CSF2RA: variants seen among roughly 807,000 people sequenced by gnomAD.
CSF2RA encodes colony stimulating factor 2 receptor subunit alpha.
In CSF2RA, 42 loss-of-function variants were observed where a neutral mutation model predicts 51.6. That is an observed-to-expected ratio of 0.81 (90% CI 0.64 to 1.05). The LOEUF (loss-of-function observed/expected upper bound fraction) is 1.05, where lower values mean the gene tolerates loss of function less well. Among genes scored for constraint, CSF2RA ranks in the 50% least tolerant of loss-of-function variants. The probability of loss-of-function intolerance (pLI) is 0.00; values close to 1 mark genes in which losing one functional copy is unlikely to be tolerated. For synonymous variants in CSF2RA, 222 were observed against 193.0 expected (o/e 1.15, Z -1.24); for missense variants, 530 against 501.1 (o/e 1.06, Z -0.55).
the CSF2RA span, among the ~76,000 whole-genome samples, chrX:1,318,656 G>A: frequency 1.3e-5 from 2 of 150,502 alleles, no homozygotes; most frequent in Admixed American, 1.3e-4. Context: ...GGTGGCTCAC[G>A]CCTGTAATCC....
chrX:1,324,181 C>A, the CSF2RA span, among the ~76,000 whole-genome samples: 1 of 150,240 alleles, frequency 6.7e-6, no homozygotes, highest in African/African-American at 2.4e-5. Flanking sequence ...TGTAACTCTG[C>A]CTTTAAAAAC....
chrX:1,285,980 G>C (rs2090600553), intron 4 of CSF2RA, 60 bp downstream of exon 4: 2 of 1,610,076 alleles, frequency 1.2e-6, no homozygotes, highest in Non-Finnish European at 8.5e-7. Context: ...TGAGTTAAAA[G>C]CAACAGGGCC....
At position 1,294,559 on chromosome X, in the gene CSF2RA, G is replaced by A. The variant is rs1331859337; in HGVS notation, c.780+98G>A. 1.1e-5 allele frequency: 17 copies of A among 1,526,314 alleles called. No individual in the cohort carries two copies. The South Asian group carries it at 1.4e-4, about 12-fold the overall frequency. The allele number at this position is 1,526,314 out of a possible 1,614,324, so 94.5% of individuals were successfully genotyped here. ...ATCCCGGGGAAGTGGCCTGGGGGAA[G>A]GATGCGTGGGTGGTGAGCGGTGACT... On this transcript the variant is annotated intron_variant, in intron 8 of 12. Transcript: ENST00000381529.
At chrX:1,288,966 C>T in intron 6 of CSF2RA, 78 bp downstream of exon 6, 1 of 1,590,690 alleles carries the variant, frequency 6.3e-7, no homozygotes, top group South Asian at 1.1e-5. Flanking sequence ...TCTTTTTTTC[C>T]TTTTTCTTTT....
intron 1 of CSF2RA, among the ~76,000 whole-genome samples, chrX:1,269,622 C>CA (rs1304105564): frequency 9.3e-5 from 7 of 75,220 alleles, no homozygotes; most frequent in Admixed American, 2.1e-4. Flanking sequence ...GATTCTGTCT[C>CA]AAAAAAAAGA....
chrX:1,304,397 C>A (rs1397722488), intron 11 of CSF2RA, among the ~76,000 whole-genome samples: 2 of 146,038 alleles, frequency 1.4e-5, no homozygotes, highest in Non-Finnish European at 3.0e-5. Context: ...GAGACTCCAT[C>A]TCAAAACAAA....
At chrX:1,278,273 C>T (rs1212508095) in intron 2 of CSF2RA, among the ~76,000 whole-genome samples, 1 of 149,484 alleles carries the variant, frequency 6.7e-6, no homozygotes, top group East Asian at 2.0e-4. Flanking sequence ...ACGGAGGTTG[C>T]AGTGAGCCAA....
At chrX:1,315,358 T>C (rs781059112), downstream of CSF2RA, among the ~76,000 whole-genome samples, 1 of 152,146 alleles carries the variant, frequency 6.6e-6, no homozygotes, top group South Asian at 2.1e-4. Context: ...AGATACATGA[T>C]TGACTGATAG....
intron 4 of CSF2RA, among the ~76,000 whole-genome samples, chrX:1,286,895 G>A (rs1463594747): frequency 6.6e-6 from 1 of 152,072 alleles, no homozygotes; most frequent in African/African-American, 2.4e-5. Flanking sequence ...AAGGGATTAA[G>A]GTCAGGGTTT....
chrX:1,275,185 G>A (rs1276975635), intron 2 of CSF2RA, among the ~76,000 whole-genome samples: 2 of 151,792 alleles, frequency 1.3e-5, no homozygotes, highest in Non-Finnish European at 2.9e-5. Flanking sequence ...GAGGTCAGGA[G>A]TTCCAGACCA....
At chrX:1,304,432 T>G (rs1784804022) in intron 11 of CSF2RA, among the ~76,000 whole-genome samples, 1 of 148,518 alleles carries the variant, frequency 6.7e-6, no homozygotes, top group Non-Finnish European at 1.5e-5. Flanking sequence ...AAACGGGAGA[T>G]CCTACAGGAA....
the CSF2RA span, among the ~76,000 whole-genome samples, chrX:1,316,095 A>AAATG: frequency 2.2e-3 from 321 of 147,808 alleles, 1 homozygote; most frequent in African/African-American, 7.8e-3. Flanking sequence ...ATAAATGGAT[A>AAATG]GATAGACACA....
chrX:1,287,422 C>G (rs371270239), intron 4 of CSF2RA, among the ~76,000 whole-genome samples: 2,313 of 149,966 alleles, frequency 0.015, 41 homozygotes, highest in African/African-American at 0.035. Flanking sequence ...AAAGTGCTGG[C>G]ATTACAGGTG....
intron 12 of CSF2RA, among the ~76,000 whole-genome samples, chrX:1,307,480 T>C (rs73618054): frequency 2.0e-3 from 105 of 53,208 alleles, no homozygotes; most frequent in African/African-American, 7.0e-3. Flanking sequence ...CCCTTTAGAC[T>C]TTCAACTGAT....
chrX:1,316,258 GAT>G, the CSF2RA span, among the ~76,000 whole-genome samples: 5,578 of 139,984 alleles, frequency 0.04, 296 homozygotes, highest in East Asian at 0.29. Flanking sequence ...AGATTAGATA[GAT>G]GATAGATAGA....
chrX:1,286,977 T>C (rs1382376803), intron 4 of CSF2RA, among the ~76,000 whole-genome samples: 1 of 150,846 alleles, frequency 6.6e-6, no homozygotes, highest in Non-Finnish European at 1.5e-5. Context: ...AGAGAAAGGA[T>C]AGAAGGAGGA....
At chrX:1,324,054 A>G in the CSF2RA span, among the ~76,000 whole-genome samples, 2 of 151,644 alleles carry the variant, frequency 1.3e-5, no homozygotes, top group South Asian at 4.2e-4. Context: ...ACATGGTAGC[A>G]TGTTCCTGTT....
intron 10 of CSF2RA, 76 bp downstream of exon 10, chrX:1,300,702 C>G: frequency 6.3e-7 from 1 of 1,593,224 alleles, no homozygotes; most frequent in Non-Finnish European, 8.6e-7. Context: ...GTCAGGTGCT[C>G]TGTCCTGGGC....
At chrX:1,304,394 C>T (rs189246304) in intron 11 of CSF2RA, among the ~76,000 whole-genome samples, 2 of 145,032 alleles carry the variant, frequency 1.4e-5, no homozygotes, top group Admixed American at 7.1e-5. Context: ...GGCGAGACTC[C>T]ATCTCAAAAC....
Sources: allele counts gnomAD v4.1 joint callset (sites outside exome capture counted in the v4.1 genomes callset), GRCh38; gene constraint gnomAD v4.1.1; transcripts MANE v1.5; gene names NCBI Gene and HGNC (gene_info 2026-07-23, HGNC 2026-07-21).